Variants in DYRK3 observed in about 807,000 individuals in gnomAD.
DYRK3 encodes dual specificity tyrosine phosphorylation regulated kinase 3.
A neutral mutation model predicts 40.8 loss-of-function variants in DYRK3; 30 were observed. The ratio of observed to expected loss-of-function variants is 0.74; its 90% CI spans 0.55 to 1.00. The LOEUF (loss-of-function observed/expected upper bound fraction) is 1.00. DYRK3 is among the 50% of genes least tolerant of loss of function. The pLI is 0.00. For missense variants in DYRK3, 699 were observed against 731.5 expected, an observed-to-expected ratio of 0.96 and a Z score of 0.51; for synonymous variants, 272 against 260.7, an observed-to-expected ratio of 1.04 and a Z score of -0.42.
Position 206,648,650 on chromosome 1 carries a change from G to A in DYRK3, c.1452G>A (p.Gly484=), listed in dbSNP as rs1553420808. ...KRGPPGSKDW[G]TALKGCDDYL... is the part of the protein sequence containing the mutation. ...GTCCCCCAGGCAGCAAAGACTGGGG[G>A]ACAGCACTGAAAGGGTGTGATGACT... Residue 484 remains glycine (G), a synonymous_variant, in exon 3 of 3, where the codon GGG becomes GGA. Coordinates refer to ENST00000367109, the MANE Select transcript of DYRK3 (RefSeq NM_003582.4). 2.5e-6 allele frequency: 4 copies of A among 1,613,924 alleles called. No individual in the cohort carries two copies. Among genetic ancestry groups the A allele is most frequent in the Admixed American group, 1.7e-5 (1 of 59,998 alleles).
At chr1:206,645,812 C>A (rs1671435582) in intron 2 of DYRK3, among the ~76,000 whole-genome samples, 1 of 151,740 alleles carries the variant, frequency 6.6e-6, no homozygotes, top group African/African-American at 2.4e-5. Context: ...CAGGGATGAA[C>A]CACCATACCT....
intron 2 of DYRK3, among the ~76,000 whole-genome samples, chr1:206,643,418 C>T (rs1294038727): frequency 3.3e-5 from 5 of 151,958 alleles, no homozygotes; most frequent in Non-Finnish European, 7.4e-5. Flanking sequence ...TACCTGAGAC[C>T]CTCTCATTAT....
At chr1:206,642,401 C>T (rs547874230) in intron 2 of DYRK3, among the ~76,000 whole-genome samples, 2 of 152,080 alleles carry the variant, frequency 1.3e-5, no homozygotes, top group Non-Finnish European at 2.9e-5. Flanking sequence ...ACTAGAAATA[C>T]CATTTGACCC....
chr1:206,636,865 T>A, intron 1 of DYRK3: 1 of 1,575,236 alleles, frequency 6.3e-7, no homozygotes, highest in Non-Finnish European at 8.7e-7. Context: ...TCTTTTGTGT[T>A]CCCTTACAGT....
chr1:206,639,465 A>ATTT lies in DYRK3; in HGVS notation c.189+1722_189+1724dup, dbSNP rs11400833. Reference sequence around the variant, plus strand: ...ATCTGACTTTAAGTCATTTTAACTGATTTTTTTTTTTTTTTTTTTTGAGAT... The same window carrying ATTT: ...ATCTGACTTTAAGTCATTTTAACTGATTTTTTTTTTTTTTTTTTTTTTTGAGAT... On this transcript the variant is annotated intron_variant, in intron 2 of 2. Transcript: ENST00000367109. Among the ~76,000 whole-genome samples the ATTT allele has an allele frequency of 9.6e-4, 114 of 118,508 alleles. 4 individuals are homozygous for ATTT. Among genetic ancestry groups the ATTT allele is most frequent in the East Asian group, 4.4e-3 (18 of 4,116 alleles). 77.7% of individuals were successfully genotyped at this position (118,508 alleles called of 152,430 possible).
intron 2 of DYRK3, among the ~76,000 whole-genome samples, chr1:206,646,232 G>A (rs1211289180): frequency 1.3e-5 from 2 of 152,142 alleles, no homozygotes; most frequent in African/African-American, 4.8e-5. Flanking sequence ...CCAATTAAAT[G>A]TATCTATCAT....
chr1:206,644,315 G>A (rs1444839213), intron 2 of DYRK3, among the ~76,000 whole-genome samples: 1 of 151,972 alleles, frequency 6.6e-6, no homozygotes, highest in Non-Finnish European at 1.5e-5. Context: ...GATTACAGGC[G>A]TGAGCCACCA....
At chr1:206,635,996 C>G in intron 1 of DYRK3, 1 of 1,401,712 alleles carries the variant, frequency 7.1e-7, no homozygotes, top group Non-Finnish European at 9.3e-7. Context: ...GGGGCTAGAG[C>G]GGAGTTAGAG....
chr1:206,644,555 C>T (rs1321387184), intron 2 of DYRK3, among the ~76,000 whole-genome samples: 3 of 152,108 alleles, frequency 2.0e-5, no homozygotes, highest in African/African-American at 7.2e-5. Flanking sequence ...TTTCCTAGTT[C>T]CACCAAATTT....
Position 206,647,653 on chromosome 1 carries a change from A to C in DYRK3, c.455A>C (p.His152Pro). ...TPEQALKQYKHHLTAYEKLEI... is the reference protein window; with the variant it reads ...TPEQALKQYKPHLTAYEKLEI... ...GAACAAGCCCTGAAGCAATATAAAC[A>C]CCACCTCACTGCCTATGAGAAACTG... is the stretch of plus-strand genomic sequence containing the variant. Residue 152 changes from histidine (H) to proline (P), a missense_variant, in exon 3 of 3, where the codon CAC (histidine) becomes CCC (proline). Coordinates refer to ENST00000367109, the MANE Select transcript of DYRK3 (RefSeq NM_003582.4). 6.2e-7 allele frequency: 1 copy of C among 1,614,178 alleles called. No homozygotes were observed. Among genetic ancestry groups the C allele is most frequent in the Non-Finnish European group, 8.5e-7 (1 of 1,180,034 alleles).
intron 1 of DYRK3, among the ~76,000 whole-genome samples, chr1:206,637,354 CA>C (rs1671145515): frequency 6.6e-6 from 1 of 152,196 alleles, no homozygotes; most frequent in South Asian, 2.1e-4. Context: ...CCTTTATTTT[CA>C]AGTAGTAAGT....
In DYRK3 at chr1:206,649,100, T is replaced by G; in HGVS notation, c.*135T>G. 1 of 930,354 alleles carries G rather than the reference T, an allele frequency of 1.1e-6. No individual in the cohort carries two copies. The highest frequency in any genetic ancestry group is 1.6e-6 in the Non-Finnish European group (1 of 643,560). The allele number at this position is 930,354 out of a possible 1,614,324, so 57.6% of individuals were successfully genotyped here. A position where few individuals can be genotyped will look rare whatever the true frequency, so the allele number is the denominator to read the frequency against. ...TTTTTTAAACAAGACAAAACATTTTTATATGATTATAAAAGAATTCTTCAA... is the reference window on the plus strand; with the variant it reads ...TTTTTTAAACAAGACAAAACATTTTGATATGATTATAAAAGAATTCTTCAA... On this transcript the variant is annotated 3_prime_UTR_variant, in exon 3 of 3. Transcript: ENST00000367109.
chr1:206,646,645 G>A (rs1671463969), intron 2 of DYRK3, among the ~76,000 whole-genome samples: 1 of 152,218 alleles, frequency 6.6e-6, no homozygotes, highest in Non-Finnish European at 1.5e-5. Context: ...GGACCTGGGA[G>A]TAGATGATTG....
chr1:206,636,997 G>A, intron 1 of DYRK3: 1 of 1,538,608 alleles, frequency 6.5e-7, no homozygotes, highest in Non-Finnish European at 9.0e-7. Context: ...ATAATTTAGA[G>A]CATCCTTTTA....
In DYRK3 at chr1:206,639,326, C is replaced by CT. The variant is rs1231374884; in HGVS notation, c.189+1566dup. 6.2e-4 allele frequency among the ~76,000 whole-genome samples: 94 copies of CT among 152,266 alleles called. 1 individual carries two copies. The highest frequency in any genetic ancestry group is 2.2e-3 in the African/African-American group (90 of 41,548). On this transcript the variant is annotated intron_variant, in intron 2 of 2. Transcript: ENST00000367109. ...TTGTTTCTTTAATATGTCAAAATGT[C>CT]TAAGAACTTCAGAACCATATACATC...
chr1:206,647,493 A>G lies in DYRK3; in HGVS notation c.295A>G (p.Thr99Ala). 3.7e-6 allele frequency: 6 copies of G among 1,614,190 alleles called. No individual in the cohort carries two copies. The highest frequency in any genetic ancestry group is 5.1e-6 in the Non-Finnish European group (6 of 1,180,030). Residue 99 changes from threonine to alanine, a missense_variant, in exon 3 of 3, where the codon ACT (threonine) becomes GCT (alanine). Transcript: ENST00000367109. ...FQEFGNRKSN[T>A]IQSDGISDSE... ...AGAATTTGGCAACAGAAAATCCAAT[A>G]CTATTCAGTCAGATGGCATCAGTGA...
chr1:206,648,591 G>A lies in DYRK3; in HGVS notation c.1393G>A (p.Val465Met). Reference protein sequence around the residue: ...TTQADGRVVLVGGRSRRGKKR... With the variant: ...TTQADGRVVLMGGRSRRGKKR... ...CCAGGCAGATGGGAGGGTTGTGCTT[G>A]TGGGGGGTCGCTCACGTAGGGGTAA... The change falls in exon 3 of 3, where the codon GTG becomes ATG. Residue 465 changes from valine (V) to methionine (M), a missense_variant. Physicochemically the swap from Val to Met is conservative, Grantham distance 21. Transcript: ENST00000367109. The A allele has an allele frequency of 1.2e-6, 2 of 1,614,104 alleles. No homozygotes were observed. Among genetic ancestry groups the A allele is most frequent in the Non-Finnish European group, 1.7e-6 (2 of 1,179,970 alleles).
At chr1:206,640,354 C>G (rs559954960) in intron 2 of DYRK3, among the ~76,000 whole-genome samples, 1 of 152,022 alleles carries the variant, frequency 6.6e-6, no homozygotes, top group South Asian at 2.1e-4. Context: ...CTTTTTTTTA[C>G]AAAGTTTTCT....
chr1:206,638,923 A>G (rs1553418840), intron 2 of DYRK3, among the ~76,000 whole-genome samples: 1 of 131,624 alleles, frequency 7.6e-6, no homozygotes, highest in African/African-American at 3.0e-5. Flanking sequence ...TCTGTCTTCC[A>G]GGCTGGAGTG....
Sources: allele counts gnomAD v4.1 joint callset (sites outside exome capture counted in the v4.1 genomes callset), GRCh38; gene constraint gnomAD v4.1.1; transcripts MANE v1.5; gene names NCBI Gene and HGNC (gene_info 2026-07-23, HGNC 2026-07-21).